MBD5: variants seen among roughly 807,000 people sequenced by gnomAD.
MBD5 encodes the protein methyl-CpG-binding domain protein 5.
A neutral mutation model predicts 117.3 loss-of-function variants in MBD5; 13 were observed. The ratio of observed to expected loss-of-function variants is 0.11; its 90% confidence interval spans 0.07 to 0.18. The LOEUF (loss-of-function observed/expected upper bound fraction) is 0.18. Ranked by LOEUF, MBD5 falls within the 10% of genes least tolerant of loss-of-function variation. The pLI is 1.00. For synonymous variants in MBD5, 727 were observed against 766.4 expected (o/e 0.95, Z 0.85); for missense variants, 1,879 against 2,093.8 (o/e 0.90, Z 2.00).
intron 3 of MBD5, among the ~76,000 whole-genome samples, chr2:148,308,667 C>T (rs571502881): frequency 6.6e-5 from 10 of 151,708 alleles, no homozygotes; most frequent in Admixed American, 2.0e-4. Flanking sequence ...AATTAGACCC[C>T]GTTTGTCAAT....
intron 4 of MBD5, among the ~76,000 whole-genome samples, chr2:148,387,055 T>C (rs1704394228): frequency 6.6e-6 from 1 of 152,166 alleles, no homozygotes; most frequent in Non-Finnish European, 1.5e-5. Context: ...AACTCAGCAA[T>C]GTACATCTAT....
intron 3 of MBD5, among the ~76,000 whole-genome samples, chr2:148,293,944 A>G (rs4972349): frequency 0.22 from 32,813 of 152,130 alleles, 4,103 homozygotes; most frequent in East Asian, 0.54. Flanking sequence ...GTTTTATACA[A>G]TTTCTTTTTC....
chr2:148,145,344 T>G (rs938736598), intron 1 of MBD5, among the ~76,000 whole-genome samples: 3 of 152,200 alleles, frequency 2.0e-5, no homozygotes, highest in African/African-American at 7.2e-5. Context: ...TAAGGAGATT[T>G]TGGGCTGAGA....
At chr2:148,067,512 A>T (rs551644822) in intron 1 of MBD5, among the ~76,000 whole-genome samples, 15 of 152,340 alleles carry the variant, frequency 9.8e-5, no homozygotes, top group Non-Finnish European at 4.4e-5. Context: ...TTCATTCTAG[A>T]TGAATTATTT....
chr2:148,511,486 C>G (rs1258084640), intron 13 of MBD5, among the ~76,000 whole-genome samples: 1 of 152,244 alleles, frequency 6.6e-6, no homozygotes, highest in African/African-American at 2.4e-5. Flanking sequence ...TCCTTCCATG[C>G]TCCAGCAGAT....
intron 4 of MBD5, among the ~76,000 whole-genome samples, chr2:148,390,547 A>G (rs1704540015): frequency 8.2e-6 from 1 of 121,574 alleles, no homozygotes; most frequent in Non-Finnish European, 1.7e-5. Context: ...GTGTGTATAT[A>G]TATACGTGTA....
At chr2:148,135,295 T>C (rs1697145717) in intron 1 of MBD5, among the ~76,000 whole-genome samples, 1 of 152,206 alleles carries the variant, frequency 6.6e-6, no homozygotes, top group South Asian at 2.1e-4. Context: ...CAGGGAACTT[T>C]ACTTGTGTTA....
At chr2:148,091,337 C>T (rs933236663) in intron 1 of MBD5, among the ~76,000 whole-genome samples, 3 of 152,072 alleles carry the variant, frequency 2.0e-5, no homozygotes, top group African/African-American at 7.2e-5. Context: ...CAAAAAAGAA[C>T]CCGCATAGCC....
rs28892438 is a variant in MBD5, at chr2:148,384,746, A to G, written c.-557+42410A>G. Among the ~76,000 whole-genome samples the G allele has an allele frequency of 5.5e-4, 83 of 152,212 alleles. No individual in the cohort carries two copies. In the East Asian group the frequency reaches 7.5e-3, roughly 14 times the overall value. On this transcript the variant is annotated intron_variant, in intron 4 of 13. Coordinates refer to ENST00000642680, the MANE Select transcript of MBD5 (RefSeq NM_001378120.1). ...GCTACAGTAACCAAAACAGCATGGTACTGGTACCAAAACAGAGATATAGAC... is the reference window on the plus strand; with the variant it reads ...GCTACAGTAACCAAAACAGCATGGTGCTGGTACCAAAACAGAGATATAGAC...
intron 4 of MBD5, among the ~76,000 whole-genome samples, chr2:148,423,715 G>A (rs577414385): frequency 6.6e-6 from 1 of 152,260 alleles, no homozygotes; most frequent in African/African-American, 2.4e-5. Flanking sequence ...ACCCTTAAAT[G>A]TAAACAGACT....
chr2:148,082,770 A>G (rs1322438910), intron 1 of MBD5, among the ~76,000 whole-genome samples: 2 of 152,204 alleles, frequency 1.3e-5, no homozygotes, highest in East Asian at 3.8e-4. Flanking sequence ...TTTATTTGCA[A>G]CTCAGAAAGT....
Position 148,484,064 on chromosome 2 carries a change from G to A in MBD5, c.3473G>A (p.Gly1158Asp), listed in dbSNP as rs919576149. 4.5e-6 allele frequency: 7 copies of A among 1,548,358 alleles called. No homozygotes were observed. In the African/African-American group the frequency reaches 9.6e-5, roughly 21 times the overall value. Residue 1158 changes from glycine (G) to aspartate (D), a missense_variant, in exon 9 of 14, where the codon GGT (glycine) becomes GAT (aspartate). Gly to Asp is a moderately conservative substitution (Grantham distance 94). Around this residue, in one of 4 missense-constraint regions of MBD5, gnomAD observed 1,666 missense variants for 1,792.2 expected, o/e 0.93. Coordinates refer to ENST00000642680, the MANE Select transcript of MBD5 (RefSeq NM_001378120.1). The part of the protein sequence containing the change: ...NISNNAGNTP[G>D]PAKLNSNSVV... ...TCTAATAATGCTGGGAATACACCTG[G>A]TCCAGCTAAACTCAACAGTAACTCT... is the stretch of plus-strand genomic sequence containing the variant.
At chr2:148,257,098 A>T (rs1700609500) in intron 3 of MBD5, among the ~76,000 whole-genome samples, 1 of 152,188 alleles carries the variant, frequency 6.6e-6, no homozygotes, top group Non-Finnish European at 1.5e-5. Flanking sequence ...GAATAACAGA[A>T]CTCAGCTCCC....
At chr2:148,448,336 C>T (rs1706629668) in intron 4 of MBD5, among the ~76,000 whole-genome samples, 2 of 151,908 alleles carry the variant, frequency 1.3e-5, no homozygotes, top group Non-Finnish European at 2.9e-5. Flanking sequence ...TTATCTTGAA[C>T]ATTTAATTAT....
intron 1 of MBD5, among the ~76,000 whole-genome samples, chr2:148,112,467 T>C (rs1417238145): frequency 1.3e-5 from 2 of 152,182 alleles, no homozygotes; most frequent in African/African-American, 2.4e-5. Context: ...TTGTACCAAA[T>C]ACTTTATACT....
At position 148,323,539 on chromosome 2, in the gene MBD5, T is replaced by C. The variant is rs1306276396; in HGVS notation, c.-679-18675T>C. Among the ~76,000 whole-genome samples, 6 of 152,290 alleles carry C rather than the reference T, an allele frequency of 3.9e-5. No individual in the cohort carries two copies. In the East Asian group the frequency reaches 7.7e-4, roughly 20 times the overall value. On this transcript the variant is annotated intron_variant, in intron 3 of 13. Transcript: ENST00000642680. ...CCTGACTTTTTAATGATCGCCATTC[T>C]AACTGGTGTGAGATGGTATCTCACT...
chr2:148,148,520 G>C (rs999909735), intron 1 of MBD5, among the ~76,000 whole-genome samples: 1 of 152,202 alleles, frequency 6.6e-6, no homozygotes, highest in Non-Finnish European at 1.5e-5. Flanking sequence ...TTTTGACAAT[G>C]TTTGCCAGTG....
At chr2:148,403,326 C>T (rs779246425) in intron 4 of MBD5, among the ~76,000 whole-genome samples, 3 of 152,000 alleles carry the variant, frequency 2.0e-5, no homozygotes, top group South Asian at 2.1e-4. Flanking sequence ...ATTACAGGCA[C>T]GCACCACCAC....
intron 12 of MBD5, among the ~76,000 whole-genome samples, chr2:148,503,518 A>T (rs1488062461): frequency 6.6e-6 from 1 of 152,222 alleles, no homozygotes; most frequent in Non-Finnish European, 1.5e-5. Context: ...GGTGTTTCCC[A>T]TAATTCTGGC....
Sources: allele counts gnomAD v4.1 joint callset (sites outside exome capture counted in the v4.1 genomes callset), GRCh38; gene constraint gnomAD v4.1.1; regional missense constraint gnomAD v4.1.1; transcripts MANE v1.5; gene names NCBI Gene and HGNC (gene_info 2026-07-23, HGNC 2026-07-21).